YEATS2: variants seen among roughly 807,000 people sequenced by gnomAD.
YEATS2 encodes YEATS domain containing 2.
Under a neutral mutation model 163.2 loss-of-function variants are expected in YEATS2, and 77 were observed. The observed-to-expected ratio is 0.47, with a 90% CI of 0.39 to 0.57. YEATS2 has a LOEUF of 0.57. YEATS2 is among the 20% of genes least tolerant of loss of function. The pLI is 0.00. For missense variants in YEATS2, 1,549 were observed against 1,729.8 expected, an observed-to-expected ratio of 0.90 and a Z score of 1.85; for synonymous variants, 631 against 645.1, an observed-to-expected ratio of 0.98 and a Z score of 0.33.
chr3:183,765,995 G>A (rs1307483266), intron 15 of YEATS2, among the ~76,000 whole-genome samples: 1 of 151,886 alleles, frequency 6.6e-6, no homozygotes, highest in Non-Finnish European at 1.5e-5. Context: ...GCAAAAAATG[G>A]CACTGTTTTA....
chr3:183,764,368 TAAAAAAAAAAAAAAA>T (rs11452949), intron 15 of YEATS2, among the ~76,000 whole-genome samples: 1 of 105,228 alleles, frequency 9.5e-6, no homozygotes, highest in Admixed American at 1.2e-4. Flanking sequence ...AAACTCTGTT[TAAAAAAAAAAAAAAA>T]AAAAAAAAAG....
chr3:183,774,531 G>A (rs1386207677), intron 17 of YEATS2, among the ~76,000 whole-genome samples: 1 of 152,132 alleles, frequency 6.6e-6, no homozygotes, highest in African/African-American at 2.4e-5. Flanking sequence ...CTTCTGCTAG[G>A]TTTGGAGATG....
chr3:183,776,207 C>T (rs1722981617), intron 18 of YEATS2, 84 bp downstream of exon 18: 1 of 1,342,698 alleles, frequency 7.4e-7, no homozygotes, highest in African/African-American at 1.5e-5. Context: ...CTTTACGGCT[C>T]TGGGATCAGG....
At chr3:183,776,731 A>C (rs548652141) in intron 18 of YEATS2, among the ~76,000 whole-genome samples, 1 of 152,122 alleles carries the variant, frequency 6.6e-6, no homozygotes, top group Non-Finnish European at 1.5e-5. Flanking sequence ...AGGCAGGCAG[A>C]TCACCTGAGG....
intron 8 of YEATS2, among the ~76,000 whole-genome samples, chr3:183,745,201 A>G (rs1719400466): frequency 6.6e-6 from 1 of 152,168 alleles, no homozygotes; most frequent in African/African-American, 2.4e-5. Context: ...ATAGGCTTTT[A>G]AAAATCCATC....
At chr3:183,790,093 A>G (rs992573583) in intron 20 of YEATS2, among the ~76,000 whole-genome samples, 10 of 152,126 alleles carry the variant, frequency 6.6e-5, no homozygotes, top group African/African-American at 2.2e-4. Context: ...ATGCCTCACC[A>G]ACTTTCTACA....
chr3:183,782,419 T>A (rs536481436), intron 19 of YEATS2, among the ~76,000 whole-genome samples: 1 of 150,848 alleles, frequency 6.6e-6, no homozygotes, highest in African/African-American at 2.4e-5. Context: ...AATTCTTGAG[T>A]TTTTTAATTT....
intron 19 of YEATS2, 64 bp from the exon 20 acceptor site, chr3:183,786,057 CAGTA>C: frequency 6.5e-7 from 1 of 1,528,500 alleles, no homozygotes; most frequent in Admixed American, 1.8e-5. Flanking sequence ...TCTCAGCTGT[CAGTA>C]AGGAATGAGT....
At chr3:183,709,214 G>T (rs916776618) in intron 1 of YEATS2, among the ~76,000 whole-genome samples, 1 of 152,030 alleles carries the variant, frequency 6.6e-6, no homozygotes, top group Admixed American at 6.6e-5. Flanking sequence ...CAAAAACTCA[G>T]ACTTGGTTAT....
intron 4 of YEATS2, among the ~76,000 whole-genome samples, chr3:183,719,449 G>A (rs987790345): frequency 6.6e-6 from 1 of 152,026 alleles, no homozygotes; most frequent in Admixed American, 6.6e-5. Context: ...TCATTTTTAC[G>A]TAATTCTTTT....
chr3:183,767,797 A>G (rs939416973), intron 15 of YEATS2, among the ~76,000 whole-genome samples: 7 of 151,836 alleles, frequency 4.6e-5, no homozygotes, highest in Non-Finnish European at 8.8e-5. Context: ...GATTACAGGC[A>G]TGAGCCACCA....
intron 9 of YEATS2, among the ~76,000 whole-genome samples, chr3:183,750,774 A>G (rs527268879): frequency 6.6e-6 from 1 of 152,212 alleles, no homozygotes; most frequent in South Asian, 2.1e-4. Context: ...GTCTTTGCCC[A>G]TTTTTAAATT....
intron 8 of YEATS2, among the ~76,000 whole-genome samples, chr3:183,740,430 T>C (rs1718825792): frequency 6.6e-6 from 1 of 152,178 alleles, no homozygotes; most frequent in Non-Finnish European, 1.5e-5. Context: ...GGAAAAGTTC[T>C]TAAAGGAAAT....
intron 22 of YEATS2, 128 bp from the exon 23 acceptor site, chr3:183,798,763 A>T: frequency 1.4e-6 from 1 of 697,520 alleles, no homozygotes; most frequent in Non-Finnish European, 2.6e-6. Context: ...GGGACTTTGC[A>T]ATTCCTGTTG....
chr3:183,734,047 A>T (rs1227034812), intron 7 of YEATS2, among the ~76,000 whole-genome samples: 1 of 152,092 alleles, frequency 6.6e-6, no homozygotes, highest in Non-Finnish European at 1.5e-5. Context: ...TATCTGTTTT[A>T]TTTCACTCAA....
intron 21 of YEATS2, chr3:183,793,180 A>C: frequency 4.7e-6 from 6 of 1,287,346 alleles, no homozygotes; most frequent in Non-Finnish European, 6.1e-6. Flanking sequence ...ACCGAGATAC[A>C]CACACACACT....
At chr3:183,701,832 T>G (rs1714126197) in intron 1 of YEATS2, among the ~76,000 whole-genome samples, 2 of 152,092 alleles carry the variant, frequency 1.3e-5, no homozygotes, top group South Asian at 4.1e-4. Flanking sequence ...TTCAAGCCCC[T>G]CCCCACTGCA....
At chr3:183,733,493 A>G (rs894333070) in intron 7 of YEATS2, among the ~76,000 whole-genome samples, 1 of 152,246 alleles carries the variant, frequency 6.6e-6, no homozygotes, top group East Asian at 1.9e-4. Flanking sequence ...CTAAAACTCC[A>G]GGTATGGTGT....
At position 183,798,938 on chromosome 3, in the gene YEATS2, G is replaced by A. The variant is rs1302970750; in HGVS notation, c.3274G>A (p.Ala1092Thr). ...TSKPPAILPVAAPTPVVPSSA... is the reference protein window; with the variant it reads ...TSKPPAILPVTAPTPVVPSSA... ...CAAGCCACCTGCCATTCTGCCTGTAGCTGCCCCAACTCCAGTTGTCCCCAG... is the reference window on the plus strand; with the variant it reads ...CAAGCCACCTGCCATTCTGCCTGTAACTGCCCCAACTCCAGTTGTCCCCAG... The change falls in exon 23 of 31, where the codon GCT (alanine) becomes ACT (threonine). Residue 1092 changes from alanine to threonine, a missense_variant. Ala to Thr is a moderately conservative substitution (Grantham distance 58, BLOSUM62 0). Transcript: ENST00000305135. 6.2e-7 allele frequency: 1 copy of A among 1,614,134 alleles called. No homozygotes were observed. Among genetic ancestry groups the A allele is most frequent in the Non-Finnish European group, 8.5e-7 (1 of 1,180,018 alleles).
Sources: gnomAD v4.1 joint callset for allele counts (sites outside exome capture counted in the v4.1 genomes callset) on GRCh38, gnomAD v4.1.1 for gene constraint, MANE v1.5 for transcripts, NCBI Gene and HGNC (gene_info 2026-07-23, HGNC 2026-07-21) for gene names.